The following NOL4 variants were observed in gnomAD, a reference collection of about 807,000 sequenced individuals.
NOL4 encodes the protein nucleolar protein 4.
A neutral mutation model predicts 75.9 loss-of-function variants in NOL4; 17 were observed. That is an observed-to-expected ratio of 0.22 (90% CI 0.15 to 0.34). The LOEUF (loss-of-function observed/expected upper bound fraction) is 0.34. Ranked by LOEUF, NOL4 falls within the 10% of genes least tolerant of loss-of-function variation. The pLI is 1.00. For missense variants in NOL4, 614 were observed against 793.5 expected (o/e 0.77, Z 2.72); for synonymous variants, 292 against 289.9 (o/e 1.01, Z -0.07).
At chr18:34,049,088 ACACAC>A in intron 5 of NOL4, among the ~76,000 whole-genome samples, 1 of 141,650 alleles carries the variant, frequency 7.1e-6, no homozygotes, top group Non-Finnish European at 1.6e-5. Context: ...ACACACACAC[ACACAC>A]ACACACACAC....
rs141743080 is a variant in NOL4, at chr18:34,091,292, G to A, written c.772+2173C>T. ...GCAGGAGAATTGCTTGAACCCGGGA[G>A]GCAGAGGTTGCAATGAGCCAAGATC... On this transcript the variant is annotated intron_variant, in intron 5 of 10. Transcript: ENST00000261592. Among the ~76,000 whole-genome samples, 621 of 152,106 alleles carry A rather than the reference G, an allele frequency of 4.1e-3. 5 individuals are homozygous for A. The highest frequency in any genetic ancestry group is 0.014 in the African/African-American group (564 of 41,476).
intron 2 of NOL4, among the ~76,000 whole-genome samples, chr18:34,119,981 AT>A (rs1270330556): frequency 8.5e-4 from 130 of 152,342 alleles, no homozygotes; most frequent in African/African-American, 3.0e-3. Flanking sequence ...TTCAGTTTGA[AT>A]TCTAGATAAA....
At chr18:34,122,914 A>G (rs539646241) in intron 2 of NOL4, among the ~76,000 whole-genome samples, 2 of 152,208 alleles carry the variant, frequency 1.3e-5, no homozygotes, top group Admixed American at 1.3e-4. Flanking sequence ...GCTACTTTTT[A>G]AAGCCGCATT....
intron 2 of NOL4, among the ~76,000 whole-genome samples, chr18:34,115,154 A>G (rs576304902): frequency 1.3e-5 from 2 of 152,186 alleles, no homozygotes; most frequent in Non-Finnish European, 2.9e-5. Flanking sequence ...CTGTGTAATT[A>G]GCAAGTTTCA....
chr18:34,152,743 G>A (rs1031517001), intron 1 of NOL4, among the ~76,000 whole-genome samples: 3 of 151,716 alleles, frequency 2.0e-5, no homozygotes, highest in African/African-American at 4.8e-5. Context: ...TATATAATCA[G>A]AAAAATTATC....
intron 9 of NOL4, among the ~76,000 whole-genome samples, chr18:33,888,396 T>C (rs1378553612): frequency 6.6e-6 from 1 of 152,198 alleles, no homozygotes; most frequent in Non-Finnish European, 1.5e-5. Context: ...ATAGTTTCTT[T>C]TGCTGTGCAG....
At chr18:34,040,165 G>A (rs1246399592) in intron 5 of NOL4, among the ~76,000 whole-genome samples, 2 of 151,894 alleles carry the variant, frequency 1.3e-5, no homozygotes, top group Non-Finnish European at 2.9e-5. Context: ...AAAAACGATC[G>A]ATTGATCTAT....
intron 5 of NOL4, among the ~76,000 whole-genome samples, chr18:34,039,274 T>G (rs1019103794): frequency 6.6e-6 from 1 of 151,946 alleles, no homozygotes; most frequent in Admixed American, 6.6e-5. Flanking sequence ...AGTAGCATAA[T>G]AGCATAATAG....
intron 1 of NOL4, among the ~76,000 whole-genome samples, chr18:34,171,729 T>C (rs868533312): frequency 1.3e-5 from 2 of 152,154 alleles, no homozygotes; most frequent in Non-Finnish European, 2.9e-5. Context: ...GATAATTGGA[T>C]AGATATTTGA....
chr18:33,981,656 AG>A (rs1224408507), intron 6 of NOL4, among the ~76,000 whole-genome samples: 2 of 152,132 alleles, frequency 1.3e-5, no homozygotes, highest in Admixed American at 1.3e-4. Context: ...ATGTGTTACC[AG>A]GAGACCTGGC....
chr18:33,914,229 G>A (rs1426642158), intron 9 of NOL4, among the ~76,000 whole-genome samples: 1 of 152,060 alleles, frequency 6.6e-6, no homozygotes, highest in East Asian at 1.9e-4. Flanking sequence ...AGGAAGCAAA[G>A]GAGCAAGCCA....
chr18:34,199,207 C>A (rs1036755362), intron 1 of NOL4, among the ~76,000 whole-genome samples: 3 of 136,766 alleles, frequency 2.2e-5, no homozygotes, highest in African/African-American at 2.7e-5. Flanking sequence ...CTACTGAGAA[C>A]AAAATCCTTA....
intron 5 of NOL4, among the ~76,000 whole-genome samples, chr18:34,022,117 T>A (rs1048222282): frequency 1.7e-4 from 26 of 150,462 alleles, no homozygotes; most frequent in Middle Eastern, 3.4e-3. Context: ...AAAAAATAAA[T>A]AAATAAATAA....
At chr18:34,149,885 T>A (rs2081571874) in intron 1 of NOL4, among the ~76,000 whole-genome samples, 1 of 151,662 alleles carries the variant, frequency 6.6e-6, no homozygotes, top group Non-Finnish European at 1.5e-5. Context: ...TCAATTGAAG[T>A]AGAATTTATA....
intron 1 of NOL4, among the ~76,000 whole-genome samples, chr18:34,192,803 G>A (rs1479108921): frequency 6.6e-6 from 1 of 152,158 alleles, no homozygotes; most frequent in Non-Finnish European, 1.5e-5. Context: ...TGAGGGCTGT[G>A]CCCTCATGAG....
chr18:34,106,476 GT>G (rs1421210678), intron 2 of NOL4, among the ~76,000 whole-genome samples: 2 of 151,890 alleles, frequency 1.3e-5, no homozygotes, highest in African/African-American at 4.8e-5. Flanking sequence ...CCATATTCAG[GT>G]CATTAAAATT....
At chr18:33,975,647 T>C (rs1600117091) in intron 6 of NOL4, among the ~76,000 whole-genome samples, 1 of 152,104 alleles carries the variant, frequency 6.6e-6, no homozygotes, top group South Asian at 2.1e-4. Flanking sequence ...TGGTGGCGGG[T>C]ACCTGTAATC....
At chr18:34,108,253 A>G (rs1600616917) in intron 2 of NOL4, among the ~76,000 whole-genome samples, 1 of 152,216 alleles carries the variant, frequency 6.6e-6, no homozygotes. Flanking sequence ...CTACACAAAC[A>G]TCATCAAATC....
At chr18:33,951,779 T>G (rs1387421117) in intron 8 of NOL4, among the ~76,000 whole-genome samples, 1 of 152,190 alleles carries the variant, frequency 6.6e-6, no homozygotes, top group Non-Finnish European at 1.5e-5. Flanking sequence ...CTGTCATTTT[T>G]ATTCCTGAAA....
Sources: gnomAD v4.1 joint callset for allele counts (sites outside exome capture counted in the v4.1 genomes callset) on GRCh38, gnomAD v4.1.1 for gene constraint, MANE v1.5 for transcripts, NCBI Gene and HGNC (gene_info 2026-07-23, HGNC 2026-07-21) for gene names.